Variants in SFMBT2 observed in about 807,000 individuals in gnomAD.
SFMBT2 encodes the protein Scm like with four mbt domains 2.
Under a neutral mutation model 110.1 loss-of-function variants are expected in SFMBT2, and 38 were observed. The ratio of observed to expected loss-of-function variants is 0.35; its 90% CI spans 0.27 to 0.45. SFMBT2 has a LOEUF of 0.45. SFMBT2 is among the 20% of genes least tolerant of loss of function. SFMBT2 has a pLI of 1.00. For missense variants in SFMBT2, 1,011 were observed against 1,094.9 expected, an observed-to-expected ratio of 0.92 and a Z score of 1.08; for synonymous variants, 425 against 425.4, an observed-to-expected ratio of 1.00 and a Z score of 0.01.
intron 4 of SFMBT2, among the ~76,000 whole-genome samples, chr10:7,321,811 T>A (rs1455521551): frequency 2.6e-5 from 4 of 152,196 alleles, no homozygotes; most frequent in Non-Finnish European, 5.9e-5. Context: ...CAGCACTGAG[T>A]CCATCCATTA....
At chr10:7,190,184 G>A (rs17142566) in intron 15 of SFMBT2, among the ~76,000 whole-genome samples, 3,319 of 152,086 alleles carry the variant, frequency 0.022, 112 homozygotes, top group African/African-American at 0.075. Context: ...AGGCGGTACC[G>A]GCAGTTTTGT....
chr10:7,280,836 T>C lies in SFMBT2; in HGVS notation c.772+3068A>G, dbSNP rs149603652. Reference sequence around the variant, plus strand: ...CTGTGTTTCTCAGAGGTGGAGAGTATAAAATCTAGTTCCTTTTCCCAGGTT... The same window carrying C: ...CTGTGTTTCTCAGAGGTGGAGAGTACAAAATCTAGTTCCTTTTCCCAGGTT... On this transcript the variant is annotated intron_variant, in intron 6 of 20. Coordinates refer to ENST00000397167, the MANE Select transcript of SFMBT2 (RefSeq NM_001387889.1). Among the ~76,000 whole-genome samples, 5 of 152,298 alleles carry C rather than the reference T, an allele frequency of 3.3e-5. No homozygotes were observed. In the East Asian group the frequency reaches 7.7e-4, roughly 23 times the overall value.
intron 7 of SFMBT2, among the ~76,000 whole-genome samples, chr10:7,251,844 T>C (rs1588386024): frequency 6.6e-6 from 1 of 152,260 alleles, no homozygotes; most frequent in African/African-American, 2.4e-5. Context: ...GGGTGAGGCA[T>C]TCCTGAGGTC....
chr10:7,214,864 G>T, intron 11 of SFMBT2: 1 of 648,976 alleles, frequency 1.5e-6, no homozygotes, highest in Non-Finnish European at 1.9e-6. Context: ...GGGCTCCCCA[G>T]TTCAAAACTG....
chr10:7,355,673 C>T (rs1465641526), intron 4 of SFMBT2, among the ~76,000 whole-genome samples: 1 of 152,106 alleles, frequency 6.6e-6, no homozygotes, highest in African/African-American at 2.4e-5. Context: ...ATTAGCTGGG[C>T]GTGGTGGCGG....
chr10:7,358,420 A>G (rs1188395933), intron 4 of SFMBT2, among the ~76,000 whole-genome samples: 4 of 148,710 alleles, frequency 2.7e-5, no homozygotes, highest in African/African-American at 1.0e-4. Flanking sequence ...ACATGGCCCT[A>G]GAACATCTGC....
intron 4 of SFMBT2, among the ~76,000 whole-genome samples, chr10:7,334,012 G>T (rs1025385318): frequency 6.6e-6 from 1 of 152,094 alleles, no homozygotes; most frequent in Non-Finnish European, 1.5e-5. Context: ...TATTTCAAAC[G>T]TATTTTGTGA....
intron 4 of SFMBT2, among the ~76,000 whole-genome samples, chr10:7,315,119 CAAG>C (rs1842974652): frequency 2.9e-5 from 4 of 138,956 alleles, no homozygotes; most frequent in South Asian, 4.5e-4. Flanking sequence ...AAAAAGCAAG[CAAG>C]CAAGCCAGCC....
intron 7 of SFMBT2, among the ~76,000 whole-genome samples, chr10:7,272,116 A>G (rs980741696): frequency 6.6e-6 from 1 of 152,196 alleles, no homozygotes; most frequent in African/African-American, 2.4e-5. Context: ...CCCCAGGCTC[A>G]GCATGTCCAG....
intron 5 of SFMBT2, chr10:7,285,026 G>A (rs898612481): frequency 3.9e-5 from 6 of 152,132 alleles, no homozygotes; most frequent in East Asian, 1.9e-4. Flanking sequence ...AGACTATGAC[G>A]TTCTAAAATG....
rs537481569 is a variant in SFMBT2, at chr10:7,224,023, C to T, written c.1204-3486G>A. Reference sequence around the variant, plus strand: ...GGGTTTAGTCTATGCTTGGTTTAGTCTATGTTGATTATCTTTTCTATTGAT... The same window carrying T: ...GGGTTTAGTCTATGCTTGGTTTAGTTTATGTTGATTATCTTTTCTATTGAT... On this transcript the variant is annotated intron_variant, in intron 10 of 20. Coordinates refer to ENST00000397167, the MANE Select transcript of SFMBT2 (RefSeq NM_001387889.1). 2.6e-5 allele frequency among the ~76,000 whole-genome samples: 4 copies of T among 152,240 alleles called. No individual in the cohort carries two copies. The South Asian group carries it at 6.2e-4, about 24-fold the overall frequency.
chr10:7,374,261 C>T (rs989708497), intron 2 of SFMBT2, among the ~76,000 whole-genome samples: 20 of 151,998 alleles, frequency 1.3e-4, no homozygotes, highest in African/African-American at 4.1e-4. Context: ...GACTCCATCT[C>T]AACAAAACAA....
At chr10:7,200,260 T>C (rs972912157) in intron 14 of SFMBT2, among the ~76,000 whole-genome samples, 154 bp downstream of exon 14, 2 of 152,176 alleles carry the variant, frequency 1.3e-5, no homozygotes, top group African/African-American at 4.8e-5. Context: ...TTTTTCTTTT[T>C]AAAAAGTAGG....
chr10:7,318,706 A>C (rs147352066), intron 4 of SFMBT2, among the ~76,000 whole-genome samples: 109 of 152,380 alleles, frequency 7.2e-4, no homozygotes, highest in African/African-American at 2.5e-3. Flanking sequence ...GAAAATAATA[A>C]AGGTTCGCGT....
intron 1 of SFMBT2, among the ~76,000 whole-genome samples, chr10:7,389,513 G>A (rs72775570): frequency 0.026 from 3,905 of 152,256 alleles, 90 homozygotes; most frequent in Non-Finnish European, 0.038. Context: ...GTAACTTCCT[G>A]TTTTATACAA....
At chr10:7,319,882 G>A (rs375271742) in intron 4 of SFMBT2, among the ~76,000 whole-genome samples, 3 of 136,974 alleles carry the variant, frequency 2.2e-5, no homozygotes, top group Admixed American at 7.0e-5. Flanking sequence ...CAGAGAGGGA[G>A]AGAGACAGAG....
chr10:7,228,373 A>T, intron 9 of SFMBT2: 2 of 735,044 alleles, frequency 2.7e-6, no homozygotes, highest in Non-Finnish European at 3.0e-6. Flanking sequence ...GGAAATAAAA[A>T]ATTAAAAAAA....
chr10:7,339,133 AG>A (rs1489784031), intron 4 of SFMBT2, among the ~76,000 whole-genome samples: 2 of 152,134 alleles, frequency 1.3e-5, no homozygotes, highest in Non-Finnish European at 2.9e-5. Flanking sequence ...CCAGCTACTC[AG>A]GAGGCTGAGG....
intron 4 of SFMBT2, among the ~76,000 whole-genome samples, chr10:7,362,390 C>A (rs761170905): frequency 3.3e-5 from 5 of 152,196 alleles, no homozygotes; most frequent in Non-Finnish European, 5.9e-5. Context: ...CATTAATTCA[C>A]AGCTTACATT....
Sources: allele counts gnomAD v4.1 joint callset (sites outside exome capture counted in the v4.1 genomes callset), GRCh38; gene constraint gnomAD v4.1.1; transcripts MANE v1.5; gene names NCBI Gene and HGNC (gene_info 2026-07-23, HGNC 2026-07-21).